The following ZMAT3 variants were observed in gnomAD, a reference collection of about 807,000 sequenced individuals.
The protein encoded by ZMAT3 is zinc finger matrin-type 3, also known as zinc finger matrin-type protein 3.
In ZMAT3, 17 loss-of-function variants were observed where a neutral mutation model predicts 32.3. That is an observed-to-expected ratio of 0.53 (90% CI 0.36 to 0.79). ZMAT3 has a LOEUF of 0.79. Among genes scored for constraint, ZMAT3 ranks in the 30% least tolerant of loss-of-function variants. The pLI is 0.00. For missense variants in ZMAT3, 329 were observed against 359.7 expected, an observed-to-expected ratio of 0.91 and a Z score of 0.69; for synonymous variants, 120 against 133.1, an observed-to-expected ratio of 0.90 and a Z score of 0.68.
In ZMAT3 at chr3:179,048,775, C is replaced by CAA. The variant is rs199703376; in HGVS notation, c.271-17778_271-17777dup. Among the ~76,000 whole-genome samples, 45 of 102,930 alleles carry CAA rather than the reference C, an allele frequency of 4.4e-4. 1 individual carries two copies. Among genetic ancestry groups the CAA allele is most frequent in the African/African-American group, 8.6e-4 (27 of 31,312 alleles). The allele number at this position is 102,930 out of a possible 152,430, so 67.5% of individuals were successfully genotyped here. ...TGGAAAAAAACCCAAGGTATTCAGG[C>CAA]AAAAAAAAAAAAAAAACAGCACAAT... On this transcript the variant is annotated intron_variant, in intron 2 of 5. Coordinates refer to ENST00000311417, the MANE Select transcript of ZMAT3 (RefSeq NM_022470.4).
At chr3:179,050,117 T>C (rs753822648) in intron 2 of ZMAT3, among the ~76,000 whole-genome samples, 4 of 109,460 alleles carry the variant, frequency 3.7e-5, no homozygotes, top group Non-Finnish European at 7.8e-5. Flanking sequence ...AGAAAAGAAA[T>C]AGTCAAGATC....
At chr3:179,062,287 T>C (rs959879314) in intron 2 of ZMAT3, among the ~76,000 whole-genome samples, 1 of 152,160 alleles carries the variant, frequency 6.6e-6, no homozygotes, top group African/African-American at 2.4e-5. Flanking sequence ...AGAACAATTC[T>C]ACCTGCAGAA....
intron 2 of ZMAT3, among the ~76,000 whole-genome samples, chr3:179,048,917 A>G (rs1335330709): frequency 6.6e-6 from 1 of 152,218 alleles, no homozygotes; most frequent in Non-Finnish European, 1.5e-5. Flanking sequence ...AGTATCTGCT[A>G]TCTTCAAGAG....
chr3:179,038,361 A>C (rs1423331305), intron 2 of ZMAT3, among the ~76,000 whole-genome samples: 2 of 152,216 alleles, frequency 1.3e-5, no homozygotes, highest in African/African-American at 4.8e-5. Context: ...CAGAAGGATC[A>C]CTTGAGTCTA....
chr3:179,027,492 T>C lies in ZMAT3; in HGVS notation c.589A>G (p.Arg197Gly). ...ESSELGQRRA[R>G]KEGNEFKMMP... is the part of the protein sequence containing the mutation. ...ATCTTAAACTCATTCCCTTCTTTCC[T>C]GGCCCGCCGTTGACCCAGCTCTGAG... The change falls in exon 5 of 6, where the codon AGG (arginine) becomes GGG (glycine). Residue 197 changes from arginine to glycine, a missense_variant. Arg to Gly is a moderately radical substitution (Grantham distance 125). Transcript: ENST00000311417. 2 of 1,614,258 alleles carry C rather than the reference T, an allele frequency of 1.2e-6. No individual in the cohort carries two copies. The highest frequency in any genetic ancestry group is 1.7e-6 in the Non-Finnish European group (2 of 1,180,042).
chr3:179,068,526 C>T (rs1721541695), intron 1 of ZMAT3, among the ~76,000 whole-genome samples: 1 of 151,354 alleles, frequency 6.6e-6, no homozygotes, highest in African/African-American at 2.4e-5. Context: ...AAAAAAAAGA[C>T]CACCAGCTAA....
At chr3:179,030,731 A>G in intron 3 of ZMAT3, 149 bp downstream of exon 3, 2 of 1,217,288 alleles carry the variant, frequency 1.6e-6, no homozygotes, top group South Asian at 1.8e-5. Context: ...CTGTAGTTCA[A>G]GGAGTTAAAA....
intron 2 of ZMAT3, among the ~76,000 whole-genome samples, chr3:179,060,250 AG>A (rs1721084319): frequency 6.6e-6 from 1 of 152,130 alleles, no homozygotes; most frequent in African/African-American, 2.4e-5. Flanking sequence ...AACAATATAA[AG>A]TATCTATCCA....
intron 3 of ZMAT3, 63 bp from the exon 4 acceptor site, chr3:179,027,875 CA>C: frequency 6.6e-7 from 1 of 1,510,692 alleles, no homozygotes; most frequent in Non-Finnish European, 8.9e-7. Context: ...TCCTTCTCCT[CA>C]AAGGTCTTTC....
chr3:179,042,686 C>T (rs954029784), intron 2 of ZMAT3, among the ~76,000 whole-genome samples: 1 of 152,192 alleles, frequency 6.6e-6, no homozygotes, highest in East Asian at 1.9e-4. Context: ...CCCTCTCTCA[C>T]CACTCCTATT....
At chr3:179,064,176 A>C (rs940125958) in intron 2 of ZMAT3, among the ~76,000 whole-genome samples, 4 of 152,264 alleles carry the variant, frequency 2.6e-5, no homozygotes, top group Non-Finnish European at 5.9e-5. Flanking sequence ...TGAGTAATGT[A>C]ATCACAGTGA....
chr3:179,048,038 A>G (rs906768952), intron 2 of ZMAT3, among the ~76,000 whole-genome samples: 5 of 152,258 alleles, frequency 3.3e-5, no homozygotes, highest in Admixed American at 1.3e-4. Context: ...TCTCAGCAAT[A>G]GAGTCGGACA....
chr3:179,060,106 G>A (rs1022095269), intron 2 of ZMAT3, among the ~76,000 whole-genome samples: 3 of 152,114 alleles, frequency 2.0e-5, no homozygotes, highest in African/African-American at 7.2e-5. Context: ...CCCTTTGTAT[G>A]GGAGCTCTTG....
chr3:179,041,500 T>G (rs1453503730), intron 2 of ZMAT3, among the ~76,000 whole-genome samples: 1 of 152,102 alleles, frequency 6.6e-6, no homozygotes, highest in East Asian at 1.9e-4. Flanking sequence ...AATAACGAAA[T>G]GAAGGCAGAA....
chr3:179,070,773 G>T (rs2108595959), intron 1 of ZMAT3, among the ~76,000 whole-genome samples: 1 of 152,350 alleles, frequency 6.6e-6, no homozygotes, highest in South Asian at 2.1e-4. Flanking sequence ...TTGGAAAGGA[G>T]CTAAGACGAC....
intron 2 of ZMAT3, among the ~76,000 whole-genome samples, chr3:179,057,722 G>C (rs1720923171): frequency 6.6e-6 from 1 of 152,198 alleles, no homozygotes; most frequent in South Asian, 2.1e-4. Context: ...CCCTCAGTGA[G>C]GAACGTATCC....
At position 179,067,640 on chromosome 3, in the gene ZMAT3, G is replaced by A; in HGVS notation, c.113C>T (p.Pro38Leu). The change falls in exon 2 of 6, where the codon CCT becomes CTT. Residue 38 changes from proline (P) to leucine (L), a missense_variant. Transcript: ENST00000311417. The stretch of plus-strand genomic sequence containing the variant: ...AGGCAAGGAAGCCTCCTGCCCAAAA[G>A]GCTTCTGTGGTGGAAGCTGCAAGGT... ...TGTLQLPPQK[P>L]FGQEASLPLA... 1 of 1,614,150 alleles carries A rather than the reference G, an allele frequency of 6.2e-7. No homozygotes were observed. Among genetic ancestry groups the A allele is most frequent in the Non-Finnish European group, 8.5e-7 (1 of 1,180,038 alleles).
intron 1 of ZMAT3, among the ~76,000 whole-genome samples, chr3:179,069,880 A>G (rs1721622146): frequency 6.6e-6 from 1 of 152,228 alleles, no homozygotes; most frequent in South Asian, 2.1e-4. Flanking sequence ...AGCAATATAG[A>G]GTTTTAACAT....
chr3:179,053,520 G>A (rs1471417458), intron 2 of ZMAT3, among the ~76,000 whole-genome samples: 6 of 152,036 alleles, frequency 3.9e-5, no homozygotes, highest in Non-Finnish European at 7.4e-5. Flanking sequence ...TAAAATATTC[G>A]CAGTCTTAAA....
Sources: allele counts gnomAD v4.1 joint callset (sites outside exome capture counted in the v4.1 genomes callset), GRCh38; gene constraint gnomAD v4.1.1; transcripts MANE v1.5; gene names NCBI Gene and HGNC (gene_info 2026-07-23, HGNC 2026-07-21).